The following SORL1 variants were observed in gnomAD, a reference collection of about 807,000 sequenced individuals.
SORL1 encodes the protein sortilin-related receptor.
In SORL1, 127 loss-of-function variants were observed where a neutral mutation model predicts 273.7. The observed-to-expected ratio is 0.46, with a 90% CI of 0.40 to 0.54. The LOEUF is 0.54. Ranked by LOEUF, SORL1 falls within the 20% of genes least tolerant of loss-of-function variation. SORL1 has a pLI of 0.00. For missense variants in SORL1, 2,494 were observed against 2,846.1 expected (o/e 0.88, Z 2.81); for synonymous variants, 1,031 against 1,067.4 (o/e 0.97, Z 0.66).
chr11:121,539,885 C>A (rs1325989124), intron 12 of SORL1, among the ~76,000 whole-genome samples: 1 of 152,076 alleles, frequency 6.6e-6, no homozygotes, highest in African/African-American at 2.4e-5. Context: ...ATTATTTATT[C>A]TATTGGCCAT....
intron 8 of SORL1, among the ~76,000 whole-genome samples, chr11:121,514,682 A>G (rs1268708323): frequency 2.0e-5 from 3 of 152,300 alleles, no homozygotes; most frequent in Admixed American, 2.0e-4. Flanking sequence ...GGTAAATATC[A>G]GTCAGTGAGA....
chr11:121,596,608 C>G lies in SORL1; in HGVS notation c.4519+836C>G, dbSNP rs551731273. Among the ~76,000 whole-genome samples the G allele has an allele frequency of 1.3e-5, 2 of 152,288 alleles. No individual in the cohort carries two copies. The highest frequency in any genetic ancestry group is 3.9e-4 in the East Asian group (2 of 5,170). ...GGGATCCCTGCTTTGCGGGCCTCCC[C>G]TCCATCCAGTCTCCTGCTGGCTGCA... On this transcript the variant is annotated intron_variant, in intron 32 of 47. Transcript: ENST00000260197. This position sits in a 1 kb window ranked among gnomAD's most constrained non-coding sequence, Gnocchi z 4.3.
chr11:121,481,460 C>G, intron 3 of SORL1, among the ~76,000 whole-genome samples: 1 of 117,996 alleles, frequency 8.5e-6, no homozygotes, highest in Admixed American at 7.9e-5. Flanking sequence ...CAGGCTTCAT[C>G]TCCTCCTCCC....
chr11:121,545,309 T>C lies in SORL1; in HGVS notation c.1931T>C (p.Leu644Ser), dbSNP rs1471468639. 6.2e-7 allele frequency: 1 copy of C among 1,614,048 alleles called. No individual in the cohort carries two copies. Among genetic ancestry groups the C allele is most frequent in the Non-Finnish European group, 8.5e-7 (1 of 1,180,020 alleles). ...SPSDERGNEC[L>S]LGHKTVFKRR... ...TCTGATGAGCGGGGGAATGAGTGTT[T>C]GCTGGGACACAAGACTGTTTTCAAA... The change falls in exon 14 of 48, where the codon TTG (leucine) becomes TCG (serine). Residue 644 changes from leucine (L) to serine (S), a missense_variant. This residue lies in a region of SORL1 where 710 missense variants were observed against 882.5 expected (regional missense o/e 0.80). Transcript: ENST00000260197.
At chr11:121,626,081 G>C (rs1205878352) in intron 46 of SORL1, 1 of 152,190 alleles carries the variant, frequency 6.6e-6, no homozygotes, top group East Asian at 1.9e-4. Context: ...ACATATTAGA[G>C]GTTCTAAGAA....
chr11:121,591,192 G>T, intron 31 of SORL1, 36 bp downstream of exon 31: 1 of 1,611,758 alleles, frequency 6.2e-7, no homozygotes. Flanking sequence ...TGTGGTACCT[G>T]CTATTGTGGA....
At chr11:121,581,378 T>C (rs1863013069) in intron 25 of SORL1, among the ~76,000 whole-genome samples, 1 of 152,242 alleles carries the variant, frequency 6.6e-6, no homozygotes, top group Non-Finnish European at 1.5e-5. Flanking sequence ...AAAGATTAAG[T>C]TGTAGGATAT....
At chr11:121,539,045 A>G (rs1862308948) in intron 12 of SORL1, among the ~76,000 whole-genome samples, 2 of 152,226 alleles carry the variant, frequency 1.3e-5, no homozygotes, top group South Asian at 4.1e-4. Flanking sequence ...TTCGCCTTCC[A>G]GATCCCTATC....
intron 21 of SORL1, among the ~76,000 whole-genome samples, chr11:121,565,395 T>G (rs1862740732): frequency 6.6e-6 from 1 of 152,226 alleles, no homozygotes; most frequent in Non-Finnish European, 1.5e-5. Context: ...GTAATGTAAA[T>G]TAACCAATGA....
chr11:121,473,634 C>G (rs1044226853), intron 2 of SORL1, among the ~76,000 whole-genome samples: 10 of 152,146 alleles, frequency 6.6e-5, no homozygotes, highest in Non-Finnish European at 1.0e-4. Context: ...GTGGCTCATG[C>G]CTGTAATCCT....
At chr11:121,514,950 C>T (rs1342958942) in intron 8 of SORL1, among the ~76,000 whole-genome samples, 8 of 152,106 alleles carry the variant, frequency 5.3e-5, no homozygotes, top group South Asian at 4.1e-4. Flanking sequence ...TCTGATTTGT[C>T]GTTTGACAAC....
In SORL1 at chr11:121,589,278, C is replaced by G; in HGVS notation, c.3966C>G (p.His1322Gln). 4.3e-6 allele frequency: 7 copies of G among 1,613,444 alleles called. No homozygotes were observed. The highest frequency in any genetic ancestry group is 5.9e-6 in the Non-Finnish European group (7 of 1,179,402). Residue 1322 changes from histidine to glutamine, a missense_variant, in exon 29 of 48, where the codon CAC becomes CAG. His to Gln is a conservative substitution (Grantham distance 24). Around this residue, in one of 3 missense-constraint regions of SORL1, gnomAD observed 1,609 missense variants for 1,816.4 expected, o/e 0.89. Transcript: ENST00000260197. ...FAGCSQDPEF[H>Q]KVCDEFGFQC... ...CTGTAGCCCAAGATCCTGAGTTCCA[C>G]AAGGTATGTGATGAGTTCGGTTTCC...
chr11:121,523,018 T>TCCA lies in SORL1; in HGVS notation c.1596+32_1596+34dup, dbSNP rs545207671. ...AGCCCCCTCCCCCAATCCCGTCCCC[T>TCCA]CCACCCTCATTCCCATTTGTGTGAG... is the stretch of plus-strand genomic sequence containing the variant. On this transcript the variant is annotated intron_variant, in intron 11 of 47. Coordinates refer to ENST00000260197, the MANE Select transcript of SORL1 (RefSeq NM_003105.6). 739 of 1,385,132 alleles carry TCCA rather than the reference T, an allele frequency of 5.3e-4. 2 individuals carry two copies. The African/African-American group carries it at 9.5e-3, about 18-fold the overall frequency. The allele number at this position is 1,385,132 out of a possible 1,614,324, so 85.8% of individuals were successfully genotyped here.
At chr11:121,549,430 T>C (rs1288200425) in intron 14 of SORL1, among the ~76,000 whole-genome samples, 1 of 152,166 alleles carries the variant, frequency 6.6e-6, no homozygotes, top group African/African-American at 2.4e-5. Context: ...TCTTACCATG[T>C]TGCCCATGTT....
intron 46 of SORL1, chr11:121,626,809 C>T (rs1863800968): frequency 6.6e-6 from 1 of 152,204 alleles, no homozygotes; most frequent in African/African-American, 2.4e-5. Context: ...TTCAAGGAGA[C>T]TGGCCCCTAC....
intron 25 of SORL1, 127 bp downstream of exon 25, chr11:121,577,527 A>G (rs1313340612): frequency 2.8e-6 from 3 of 1,073,536 alleles, no homozygotes; most frequent in Admixed American, 2.9e-5. Flanking sequence ...AGCGAGTTTC[A>G]TGCTTCTCAA....
chr11:121,605,309 C>A, intron 34 of SORL1, 70 bp downstream of exon 34: 1 of 1,580,772 alleles, frequency 6.3e-7, no homozygotes, highest in Non-Finnish European at 8.6e-7. Flanking sequence ...TGTAAACTCT[C>A]TAGTGGCATG....
intron 6 of SORL1, among the ~76,000 whole-genome samples, chr11:121,510,996 GA>G (rs1268272372): frequency 1.3e-5 from 2 of 151,936 alleles, no homozygotes; most frequent in Non-Finnish European, 2.9e-5. Flanking sequence ...GGTTTATTAA[GA>G]AAAATCTCAG....
intron 1 of SORL1, among the ~76,000 whole-genome samples, chr11:121,462,497 A>G (rs1035736772): frequency 1.2e-4 from 18 of 152,172 alleles, no homozygotes; most frequent in Admixed American, 3.3e-4. Flanking sequence ...CAGTAATTCA[A>G]TCATCATTCC....
Sources: allele counts gnomAD v4.1 joint callset (sites outside exome capture counted in the v4.1 genomes callset), GRCh38; gene constraint gnomAD v4.1.1; regional missense constraint gnomAD v4.1.1; non-coding constraint Gnocchi (gnomAD v3.1); transcripts MANE v1.5; gene names NCBI Gene and HGNC (gene_info 2026-07-23, HGNC 2026-07-21).